EFCAB6: variants seen among roughly 807,000 people sequenced by gnomAD.
The protein encoded by EFCAB6 is EF-hand calcium-binding domain-containing protein 6.
In EFCAB6, 156 loss-of-function variants were observed where a neutral mutation model predicts 169.8. The observed-to-expected ratio is 0.92, with a 90% CI of 0.81 to 1.05. The LOEUF is 1.05. EFCAB6 is among the 50% of genes least tolerant of loss of function. The pLI, the probability that EFCAB6 is intolerant of heterozygous loss-of-function variation, is 0.00. For synonymous variants in EFCAB6, 698 were observed against 676.4 expected, an observed-to-expected ratio of 1.03 and a Z score of -0.50; for missense variants, 1,800 against 1,829.1, an observed-to-expected ratio of 0.98 and a Z score of 0.29.
chr22:43,543,327 G>A (rs2047856462), intron 27 of EFCAB6, among the ~76,000 whole-genome samples: 1 of 152,186 alleles, frequency 6.6e-6, no homozygotes, highest in African/African-American at 2.4e-5. Context: ...CCAGCCACCA[G>A]GGCGGCTCCC....
intron 22 of EFCAB6, among the ~76,000 whole-genome samples, chr22:43,605,020 C>T (rs932168738): frequency 2.6e-5 from 4 of 152,308 alleles, no homozygotes; most frequent in African/African-American, 9.6e-5. Flanking sequence ...TTGAATTCTA[C>T]CTGGTTAAAT....
chr22:43,771,556 AATG>A lies in EFCAB6; in HGVS notation c.351+1333_351+1335del, dbSNP rs558612235. 1.4e-4 allele frequency among the ~76,000 whole-genome samples: 21 copies of A among 152,298 alleles called. No individual in the cohort carries two copies. The East Asian group carries it at 4.1e-3, about 29-fold the overall frequency. The stretch of plus-strand genomic sequence containing the variant: ...TAGTTATTGGGTTAAATGGAATACT[AATG>A]ATATTCTAGCCCAAATTTTCTACTT... On this transcript the variant is annotated intron_variant, in intron 4 of 31. Coordinates refer to ENST00000262726, the MANE Select transcript of EFCAB6 (RefSeq NM_022785.4).
In EFCAB6 at chr22:43,711,588, GA is replaced by G; in HGVS notation, c.917del (p.Leu306ProfsTer17). On this transcript the variant is annotated frameshift_variant, in exon 10 of 32. Transcript: ENST00000262726. LOFTEE classifies it high-confidence loss of function. ...CACCTTTACAGGGGTCCCCTGCACT[GA>G]GGGCCTTTTCAACCTTTTCATAAGA... is the stretch of plus-strand genomic sequence containing the variant. ...SKSYEKVEKA[L>X]SAGDPCKGGY... is the part of the protein sequence containing the mutation. The G allele has an allele frequency of 1.3e-6, 2 of 1,592,008 alleles. No individual in the cohort carries two copies. Among genetic ancestry groups the G allele is most frequent in the Non-Finnish European group, 1.7e-6 (2 of 1,174,676 alleles).
At chr22:43,737,519 GCA>G (rs754215572) in intron 6 of EFCAB6, among the ~76,000 whole-genome samples, 5 of 144,784 alleles carry the variant, frequency 3.5e-5, no homozygotes, top group African/African-American at 5.2e-5. Context: ...ACAGATACAT[GCA>G]CACACACCAT....
chr22:43,580,655 C>T lies in EFCAB6; in HGVS notation c.3037G>A (p.Gly1013Arg), dbSNP rs1390942295. 2 of 1,613,438 alleles carry T rather than the reference C, an allele frequency of 1.2e-6. No homozygotes were observed. Among genetic ancestry groups the T allele is most frequent in the African/African-American group, 2.7e-5 (2 of 74,936 alleles). Residue 1013 changes from glycine (G) to arginine (R), a missense_variant, in exon 25 of 32, where the codon GGA becomes AGA. Coordinates refer to ENST00000262726, the MANE Select transcript of EFCAB6 (RefSeq NM_022785.4). ...ATAGCATTATCATGCCGGCTGACTCCCCAACTTGTCCCAAAAGGAAGAAAA... is the reference window on the plus strand; with the variant it reads ...ATAGCATTATCATGCCGGCTGACTCTCCAACTTGTCCCAAAAGGAAGAAAA... The part of the protein sequence containing the change: ...GELTHLLNSW[G>R]VSRHDNAINY...
intron 9 of EFCAB6, 114 bp from the exon 10 acceptor site, chr22:43,711,737 CAAAAAGGTT>C: frequency 7.8e-7 from 1 of 1,283,374 alleles, no homozygotes. Context: ...AAAAACTGAT[CAAAAAGGTT>C]ACTATGGCAT....
At chr22:43,540,413 G>A (rs565825227) in intron 27 of EFCAB6, 56 bp from the exon 28 acceptor site, 374 of 1,608,040 alleles carry the variant, frequency 2.3e-4, no homozygotes, top group African/African-American at 1.5e-3. Flanking sequence ...AGGCAGCGTC[G>A]CACCTGTGCC....
At chr22:43,569,045 C>T (rs1477067140) in intron 26 of EFCAB6, among the ~76,000 whole-genome samples, 3 of 152,210 alleles carry the variant, frequency 2.0e-5, no homozygotes, top group Non-Finnish European at 4.4e-5. Context: ...CTTTGGCGGC[C>T]GGCCCTGTGC....
intron 13 of EFCAB6, 104 bp from the exon 14 acceptor site, chr22:43,672,409 T>C (rs2057533368): frequency 8.2e-7 from 1 of 1,212,648 alleles, no homozygotes; most frequent in African/African-American, 1.5e-5. Flanking sequence ...CTGTCCCTAA[T>C]TAGCCATTAG....
At chr22:43,590,285 T>C (rs1382342507) in intron 23 of EFCAB6, 56 bp from the exon 24 acceptor site, 2 of 1,576,282 alleles carry the variant, frequency 1.3e-6, no homozygotes, top group African/African-American at 2.7e-5. Flanking sequence ...AATAACTCCT[T>C]TAAAGCAAAC....
chr22:43,579,840 C>G (rs1022487394), intron 25 of EFCAB6, among the ~76,000 whole-genome samples: 2 of 150,504 alleles, frequency 1.3e-5, no homozygotes, highest in East Asian at 4.0e-4. Flanking sequence ...GCATCATTCT[C>G]TATATGCAGG....
chr22:43,751,387 A>G (rs2060755978), intron 6 of EFCAB6, among the ~76,000 whole-genome samples: 2 of 152,192 alleles, frequency 1.3e-5, no homozygotes, highest in Admixed American at 6.5e-5. Flanking sequence ...TCGGGAGTTG[A>G]CAAATGATAG....
chr22:43,739,630 C>T (rs1303754448), intron 6 of EFCAB6, among the ~76,000 whole-genome samples: 2 of 152,172 alleles, frequency 1.3e-5, no homozygotes, highest in African/African-American at 4.8e-5. Flanking sequence ...TTACCAAACC[C>T]AAGCTGCTCT....
rs2050453779 is a variant in EFCAB6 at position 43,578,829 on chromosome 22, GGC to G, written c.3228+1633_3228+1634del. Reference sequence around the variant, plus strand: ...ATGCAGGCATCATTCCCTACACGCAGGCATCATTCCGTACATGCAGGCATCAT... The same window carrying G: ...ATGCAGGCATCATTCCCTACACGCAGATCATTCCGTACATGCAGGCATCAT... On this transcript the variant is annotated intron_variant, in intron 25 of 31. Transcript: ENST00000262726. Among the ~76,000 whole-genome samples the G allele has an allele frequency of 4.8e-5, 6 of 124,170 alleles. No individual in the cohort carries two copies. In the South Asian group the frequency reaches 1.8e-3, roughly 36 times the overall value. The allele number at this position is 124,170 out of a possible 152,430, so 81.5% of individuals were successfully genotyped here.
At chr22:43,791,578 T>C (rs901618781) in intron 2 of EFCAB6, among the ~76,000 whole-genome samples, 5 of 151,750 alleles carry the variant, frequency 3.3e-5, no homozygotes, top group African/African-American at 1.2e-4. Flanking sequence ...CTAGAAACCA[T>C]GAGAAGAATA....
chr22:43,658,657 C>T (rs931409066), intron 17 of EFCAB6, among the ~76,000 whole-genome samples: 7 of 152,112 alleles, frequency 4.6e-5, no homozygotes, highest in African/African-American at 7.2e-5. Context: ...CCTCAGGGAA[C>T]GTGCCCTTCG....
At chr22:43,783,998 G>C (rs2061920445) in intron 2 of EFCAB6, among the ~76,000 whole-genome samples, 1 of 152,146 alleles carries the variant, frequency 6.6e-6, no homozygotes, top group Non-Finnish European at 1.5e-5. Flanking sequence ...GAACCTGAGA[G>C]GTTGAGGCTA....
At chr22:43,590,496 G>T (rs1447566778) in intron 23 of EFCAB6, among the ~76,000 whole-genome samples, 1 of 152,120 alleles carries the variant, frequency 6.6e-6, no homozygotes, top group Non-Finnish European at 1.5e-5. Context: ...ACTAGAATCG[G>T]TACTTTAAAA....
chr22:43,540,358 C>T lies in EFCAB6; in HGVS notation c.3649-1G>A, dbSNP rs759610061. 2 of 1,614,068 alleles carry T rather than the reference C, an allele frequency of 1.2e-6. No homozygotes were observed. Among genetic ancestry groups the T allele is most frequent in the South Asian group, 2.2e-5 (2 of 91,080 alleles). On this transcript the variant is annotated splice_acceptor_variant, in intron 27 of 31. Transcript: ENST00000262726. LOFTEE classifies it high-confidence loss of function. ...GCATCTCGTTCCAGAGTCTGTCAAA[C>T]TGGAGAAGGAGCAGAAGTCATTTCC...
Sources: gnomAD v4.1 joint callset for allele counts (sites outside exome capture counted in the v4.1 genomes callset) on GRCh38, gnomAD v4.1.1 for gene constraint, MANE v1.5 for transcripts, NCBI Gene and HGNC (gene_info 2026-07-23, HGNC 2026-07-21) for gene names.